Variants in ARMC2 observed in about 807,000 individuals in gnomAD.
ARMC2 encodes the protein armadillo repeat containing 2, also known as armadillo repeat-containing protein 2.
A neutral mutation model predicts 90.3 loss-of-function variants in ARMC2; 67 were observed. That is an observed-to-expected ratio of 0.74 (90% CI 0.61 to 0.91). The LOEUF (loss-of-function observed/expected upper bound fraction) is 0.91, where lower values mean the gene tolerates loss of function less well. ARMC2 is among the 40% of genes least tolerant of loss of function. The pLI is 0.00. For synonymous variants in ARMC2, 393 were observed against 393.0 expected, an observed-to-expected ratio of 1.00 and a Z score of 0.00; for missense variants, 920 against 1,030.9, an observed-to-expected ratio of 0.89 and a Z score of 1.47.
intron 6 of ARMC2, among the ~76,000 whole-genome samples, chr6:108,895,089 A>G (rs1583038678): frequency 6.6e-6 from 1 of 151,128 alleles, no homozygotes; most frequent in African/African-American, 2.4e-5. Flanking sequence ...TAATGGTTTT[A>G]TAGAAATCAT....
chr6:109,004,721 A>G, the ARMC2 span, among the ~76,000 whole-genome samples: 1 of 152,232 alleles, frequency 6.6e-6, no homozygotes, highest in Non-Finnish European at 1.5e-5. Flanking sequence ...GAGCCACCGC[A>G]CCTGACCAAC....
At chr6:108,937,756 G>A (rs756232604) in intron 12 of ARMC2, among the ~76,000 whole-genome samples, 3 of 151,870 alleles carry the variant, frequency 2.0e-5, no homozygotes, top group Non-Finnish European at 4.4e-5. Flanking sequence ...GTGCAGTGGC[G>A]ATATCTTGGC....
intron 7 of ARMC2, 70 bp downstream of exon 7, chr6:108,899,862 GTGTTCCCCATTGCCCTGA>G: frequency 8.5e-7 from 1 of 1,178,244 alleles, no homozygotes; most frequent in Non-Finnish European, 1.2e-6. Flanking sequence ...AGTTATTTAT[GTGTTCCCCATTGCCCTGA>G]TATTTTTAGT....
intron 11 of ARMC2, 122 bp downstream of exon 11, chr6:108,928,355 C>A: frequency 9.4e-7 from 1 of 1,067,052 alleles, no homozygotes; most frequent in Non-Finnish European, 1.3e-6. Context: ...CTTCGCCTAC[C>A]AGAAAGGGTA....
At chr6:108,983,906 A>G in the ARMC2 span, among the ~76,000 whole-genome samples, 1 of 152,212 alleles carries the variant, frequency 6.6e-6, no homozygotes, top group Admixed American at 6.5e-5. Flanking sequence ...TCCCCAACCC[A>G]TGGGCCATGG....
At chr6:108,913,209 G>A (rs567395607) in intron 10 of ARMC2, among the ~76,000 whole-genome samples, 2 of 152,276 alleles carry the variant, frequency 1.3e-5, no homozygotes, top group African/African-American at 4.8e-5. Context: ...CTTTTTAATA[G>A]CATTCATATA....
intron 5 of ARMC2, among the ~76,000 whole-genome samples, 198 bp from the exon 6 acceptor site, chr6:108,894,269 G>A (rs532698741): frequency 3.7e-4 from 57 of 152,320 alleles, no homozygotes; most frequent in African/African-American, 1.3e-3. Flanking sequence ...GGGAGCCTGG[G>A]GTGGGAGGCT....
chr6:108,977,129 G>T (rs935487948), downstream of ARMC2, among the ~76,000 whole-genome samples: 1 of 152,148 alleles, frequency 6.6e-6, no homozygotes, highest in African/African-American at 2.4e-5. Context: ...GTATGATATT[G>T]CCTGTGGGTT....
chr6:108,906,124 C>T (rs1772666717), intron 8 of ARMC2, among the ~76,000 whole-genome samples: 1 of 152,154 alleles, frequency 6.6e-6, no homozygotes, highest in Non-Finnish European at 1.5e-5. Flanking sequence ...GTTTTCCAGA[C>T]AGTCATCTTA....
chr6:108,952,997 C>T (rs1220822709), intron 12 of ARMC2, 36 bp from the exon 13 acceptor site: 3 of 1,548,566 alleles, frequency 1.9e-6, no homozygotes, highest in African/African-American at 2.7e-5. Context: ...TTCCAGCCCC[C>T]TTTGCACTTT....
chr6:109,019,198 C>A, the ARMC2 span, among the ~76,000 whole-genome samples: 1 of 152,106 alleles, frequency 6.6e-6, no homozygotes, highest in Non-Finnish European at 1.5e-5. Flanking sequence ...TTTACACACA[C>A]ACACAAACAC....
chr6:108,993,685 T>C, the ARMC2 span, among the ~76,000 whole-genome samples: 1 of 152,192 alleles, frequency 6.6e-6, no homozygotes, highest in South Asian at 2.1e-4. Flanking sequence ...AGGTTAAACA[T>C]AGAGGATTTA....
chr6:108,886,776 A>G (rs1196639624), intron 5 of ARMC2, among the ~76,000 whole-genome samples: 1 of 152,160 alleles, frequency 6.6e-6, no homozygotes, highest in African/African-American at 2.4e-5. Context: ...TGTGCAATAT[A>G]TATTATCTAG....
chr6:108,962,051 A>G lies in ARMC2; in HGVS notation c.2076A>G (p.Gly692=), dbSNP rs1215600728. 6.2e-7 allele frequency: 1 copy of G among 1,613,406 alleles called. No homozygotes were observed. The highest frequency in any genetic ancestry group is 8.5e-7 in the Non-Finnish European group (1 of 1,179,710). ...LKLLVSNNMD[G]ILEAVRVFGN... is the part of the protein sequence containing the mutation. ...TTCTTGTCAGTAACAACATGGATGG[A>G]ATCCTGGAGGCTGTGCGTGTTTTCG... The change falls in exon 15 of 18, where the codon GGA becomes GGG. Residue 692 remains glycine, a synonymous_variant. Coordinates refer to ENST00000392644, the MANE Select transcript of ARMC2 (RefSeq NM_032131.6).
At chr6:109,041,596 A>T in the ARMC2 span, among the ~76,000 whole-genome samples, 1 of 152,222 alleles carries the variant, frequency 6.6e-6, no homozygotes, top group Non-Finnish European at 1.5e-5. Context: ...AAATTACCAG[A>T]GACAAGGAGG....
At chr6:108,987,624 C>G in the ARMC2 span, 1 of 1,570,030 alleles carries the variant, frequency 6.4e-7, no homozygotes, top group Non-Finnish European at 8.8e-7. Context: ...AGCAGATTAA[C>G]ATGAACCTGA....
chr6:109,044,919 C>A, the ARMC2 span, among the ~76,000 whole-genome samples: 1 of 151,794 alleles, frequency 6.6e-6, no homozygotes, highest in Non-Finnish European at 1.5e-5. Flanking sequence ...GCTACTTGGG[C>A]AGCTGAGGCA....
Position 108,961,576 on chromosome 6 carries a change from C to T in ARMC2, c.1920C>T (p.Tyr640=), listed in dbSNP as rs772088260. 3.7e-6 allele frequency: 6 copies of T among 1,606,410 alleles called. No individual in the cohort carries two copies. The highest frequency in any genetic ancestry group is 2.7e-5 in the African/African-American group (2 of 74,626). ...IVGLLLTTLE[Y]KSLDDCEELV... ...CTTATCCTTACTTCATTTCAGAATA[C>T]AAGTCACTTGATGATTGTGAGGAGC... Residue 640 remains tyrosine, a synonymous_variant, in exon 14 of 18, where the codon TAC becomes TAT. Coordinates refer to ENST00000392644, the MANE Select transcript of ARMC2 (RefSeq NM_032131.6).
At chr6:108,860,989 A>C (rs1022362891) in intron 3 of ARMC2, among the ~76,000 whole-genome samples, 1 of 152,232 alleles carries the variant, frequency 6.6e-6, no homozygotes, top group Non-Finnish European at 1.5e-5. Context: ...AAGGGTACTT[A>C]CAGTAATAGT....
Sources: allele counts gnomAD v4.1 joint callset (sites outside exome capture counted in the v4.1 genomes callset), GRCh38; gene constraint gnomAD v4.1.1; transcripts MANE v1.5; gene names NCBI Gene and HGNC (gene_info 2026-07-23, HGNC 2026-07-21).